Variants in VEPH1 observed in about 807,000 individuals in gnomAD.
VEPH1 encodes ventricular zone expressed PH domain containing 1, also known as ventricular zone-expressed PH domain-containing protein homolog 1.
A neutral mutation model predicts 85.2 loss-of-function variants in VEPH1; 80 were observed. That is an observed-to-expected ratio of 0.94 (90% CI 0.78 to 1.13). The LOEUF (loss-of-function observed/expected upper bound fraction) is 1.13. Ranked by LOEUF, VEPH1 falls within the 50% of genes most tolerant of loss-of-function variation. VEPH1 has a pLI of 0.00. For missense variants in VEPH1, 955 were observed against 980.5 expected, an observed-to-expected ratio of 0.97 and a Z score of 0.35; for synonymous variants, 297 against 348.0, an observed-to-expected ratio of 0.85 and a Z score of 1.63.
intron 7 of VEPH1, among the ~76,000 whole-genome samples, chr3:157,369,636 CA>C (rs1043873873): frequency 6.6e-6 from 1 of 152,086 alleles, no homozygotes; most frequent in Non-Finnish European, 1.5e-5. Context: ...GGAGGTAGGA[CA>C]AATTTCAATT....
At chr3:157,382,084 G>A (rs955636789) in intron 6 of VEPH1, among the ~76,000 whole-genome samples, 6 of 152,136 alleles carry the variant, frequency 3.9e-5, no homozygotes, top group African/African-American at 1.2e-4. Flanking sequence ...TCTGTCTGTC[G>A]GGGTGATGGT....
At chr3:157,287,290 G>A (rs993937963) in intron 11 of VEPH1, among the ~76,000 whole-genome samples, 3 of 152,056 alleles carry the variant, frequency 2.0e-5, no homozygotes, top group Non-Finnish European at 2.9e-5. Context: ...TGAGAGGATC[G>A]CTTGAGCCTG....
At chr3:157,275,296 C>G (rs1050941509) in intron 12 of VEPH1, among the ~76,000 whole-genome samples, 3 of 152,118 alleles carry the variant, frequency 2.0e-5, no homozygotes, top group Admixed American at 6.5e-5. Context: ...AAACCCCAGG[C>G]CAGGCAAGGT....
intron 9 of VEPH1, among the ~76,000 whole-genome samples, chr3:157,353,552 C>T (rs1444142948): frequency 6.6e-6 from 1 of 152,110 alleles, no homozygotes; most frequent in African/African-American, 2.4e-5. Flanking sequence ...AGATGTGAGC[C>T]ACTGCACTCA....
rs1273645154 is a variant in VEPH1 at position 157,378,504 on chromosome 3, A to G, written c.1127+2652T>C. Among the ~76,000 whole-genome samples, 77 of 151,764 alleles carry G rather than the reference A, an allele frequency of 5.1e-4. 1 individual carries two copies. The highest frequency in any genetic ancestry group is 1.0e-4 in the Non-Finnish European group (7 of 67,960). On this transcript the variant is annotated intron_variant, in intron 7 of 13. Transcript: ENST00000362010. ...CCAGCACATTGCTGGTGAATATTCT[A>G]TAATGCATATGGCAATCTCACAACT...
intron 4 of VEPH1, among the ~76,000 whole-genome samples, chr3:157,441,499 A>G (rs1734109590): frequency 6.6e-6 from 1 of 152,148 alleles, no homozygotes; most frequent in Admixed American, 6.5e-5. Context: ...ATATCTGAGA[A>G]CATTTGGTGT....
chr3:157,413,617 C>A (rs1414601669), intron 6 of VEPH1: 21 of 985,250 alleles, frequency 2.1e-5, no homozygotes, highest in Non-Finnish European at 2.4e-5. Context: ...CCTAAACCTT[C>A]CACATAACCC....
intron 4 of VEPH1, among the ~76,000 whole-genome samples, chr3:157,453,795 T>A (rs1015720144): frequency 6.6e-6 from 1 of 152,164 alleles, no homozygotes; most frequent in Non-Finnish European, 1.5e-5. Flanking sequence ...CTCATGTGAG[T>A]GATAATGGAG....
chr3:157,329,040 T>C (rs1350374686), intron 9 of VEPH1, among the ~76,000 whole-genome samples: 5 of 152,228 alleles, frequency 3.3e-5, no homozygotes, highest in Non-Finnish European at 7.3e-5. Context: ...TATGCTTAGA[T>C]GAAGCAGCAA....
chr3:157,496,997 T>C (rs1739720242), intron 1 of VEPH1, among the ~76,000 whole-genome samples: 1 of 152,210 alleles, frequency 6.6e-6, no homozygotes. Context: ...TATGAAAATA[T>C]GTCATCCCCA....
Position 157,363,633 on chromosome 3 carries a change from T to C in VEPH1, c.1466A>G (p.Asn489Ser). Residue 489 changes from asparagine to serine, a missense_variant, in exon 9 of 14, where the codon AAT becomes AGT. Asn to Ser is a conservative substitution (Grantham distance 46). Transcript: ENST00000362010. ...LSEIDPLGQGNDKLPFKTDTE... is the reference protein window; with the variant it reads ...LSEIDPLGQGSDKLPFKTDTE... ...GTCTGTCTTAAACGGCAGCTTGTCA[T>C]TTCCTTGGCCAAGTGGGTCTATTTC... 1 of 1,614,174 alleles carries C rather than the reference T, an allele frequency of 6.2e-7. No homozygotes were observed. The highest frequency in any genetic ancestry group is 8.5e-7 in the Non-Finnish European group (1 of 1,180,018).
chr3:157,481,277 C>T (rs1738014315), intron 2 of VEPH1, among the ~76,000 whole-genome samples: 1 of 151,774 alleles, frequency 6.6e-6, no homozygotes, highest in Admixed American at 6.6e-5. Context: ...GTTTCTTTTG[C>T]TGTGCAGAAA....
intron 9 of VEPH1, among the ~76,000 whole-genome samples, chr3:157,349,423 G>T (rs562038104): frequency 6.6e-6 from 1 of 152,250 alleles, no homozygotes; most frequent in Admixed American, 6.5e-5. Context: ...CACAGTTAAT[G>T]TCTTACTGAA....
chr3:157,311,332 G>A (rs1720085499), intron 11 of VEPH1, among the ~76,000 whole-genome samples: 1 of 152,098 alleles, frequency 6.6e-6, no homozygotes, highest in African/African-American at 2.4e-5. Context: ...GTGAAACTCC[G>A]TCACTGCAGC....
At chr3:157,490,238 A>G (rs1484617279) in intron 2 of VEPH1, among the ~76,000 whole-genome samples, 1 of 152,048 alleles carries the variant, frequency 6.6e-6, no homozygotes, top group Non-Finnish European at 1.5e-5. Context: ...AGAAAAAAAC[A>G]AAGCAGTGTT....
rs557932868 is a variant in VEPH1 at position 157,392,967 on chromosome 3, G to T, written c.907-11591C>A. On this transcript the variant is annotated intron_variant, in intron 6 of 13. Coordinates refer to ENST00000362010, the MANE Select transcript of VEPH1 (RefSeq NM_001167912.2). ...TCCTTTTAAACTAGGGCATGGGTATGTGATTTAATCCTGGGCAACTGGACC... is the reference window on the plus strand; with the variant it reads ...TCCTTTTAAACTAGGGCATGGGTATTTGATTTAATCCTGGGCAACTGGACC... Among the ~76,000 whole-genome samples the T allele has an allele frequency of 2.6e-5, 4 of 152,316 alleles. No homozygotes were observed. In the South Asian group the frequency reaches 8.3e-4, roughly 32 times the overall value.
rs562664599 is a variant in VEPH1, at chr3:157,386,329, C to T, written c.907-4953G>A. On this transcript the variant is annotated intron_variant, in intron 6 of 13. Coordinates refer to ENST00000362010, the MANE Select transcript of VEPH1 (RefSeq NM_001167912.2). ...ACAAGGTTTTTTTTTCTTAAGATAA[C>T]CACTGAATTTCTGTATTTCAATCAG... Among the ~76,000 whole-genome samples, 30 of 144,158 alleles carry T rather than the reference C, an allele frequency of 2.1e-4. 2 individuals are homozygous for T. The Admixed American group carries it at 2.1e-3, about 10-fold the overall frequency. The allele number at this position is 144,158 out of a possible 152,430, so 94.6% of individuals were successfully genotyped here.
At chr3:157,372,446 C>A (rs1227987554) in intron 7 of VEPH1, among the ~76,000 whole-genome samples, 2 of 152,170 alleles carry the variant, frequency 1.3e-5, no homozygotes, top group Non-Finnish European at 2.9e-5. Flanking sequence ...AATGAAAAGC[C>A]TATCTTTTGC....
chr3:157,261,388 A>G lies in VEPH1; in HGVS notation c.2266-18T>C, dbSNP rs766685681. On this transcript the variant is annotated intron_variant, in intron 13 of 13. Coordinates refer to ENST00000362010, the MANE Select transcript of VEPH1 (RefSeq NM_001167912.2). ...TCATCTTTCTGAAAGGCATGGGAAGAAAAGAACATGGGCTGGCTGTTACTG... is the reference window on the plus strand; with the variant it reads ...TCATCTTTCTGAAAGGCATGGGAAGGAAAGAACATGGGCTGGCTGTTACTG... 2 of 1,612,236 alleles carry G rather than the reference A, an allele frequency of 1.2e-6. No homozygotes were observed. The highest frequency in any genetic ancestry group is 1.1e-5 in the South Asian group (1 of 90,938).
Sources: allele counts gnomAD v4.1 joint callset (sites outside exome capture counted in the v4.1 genomes callset), GRCh38; gene constraint gnomAD v4.1.1; transcripts MANE v1.5; gene names NCBI Gene and HGNC (gene_info 2026-07-23, HGNC 2026-07-21).